The following UBE2E2 variants were observed in gnomAD, a reference collection of about 807,000 sequenced individuals.
The protein encoded by UBE2E2 is ubiquitin conjugating enzyme E2 E2, also known as ubiquitin-conjugating enzyme E2 E2.
Under a neutral mutation model 24.7 loss-of-function variants are expected in UBE2E2, and 6 were observed. The ratio of observed to expected loss-of-function variants is 0.24; its 90% CI spans 0.13 to 0.48. UBE2E2 has a LOEUF of 0.48. UBE2E2 is among the 20% of genes least tolerant of loss of function. UBE2E2 has a pLI of 0.99. For synonymous variants in UBE2E2, 104 were observed against 83.6 expected (o/e 1.24, Z -1.33); for missense variants, 169 against 245.0 (o/e 0.69, Z 2.07).
intron 5 of UBE2E2, among the ~76,000 whole-genome samples, chr3:23,547,732 C>T (rs553689622): frequency 1.7e-3 from 252 of 152,320 alleles, no homozygotes; most frequent in Middle Eastern, 3.4e-3. Flanking sequence ...GCTGATACTT[C>T]TCTTCCTAAA....
chr3:23,492,719 TC>T (rs1301947585), intron 3 of UBE2E2, among the ~76,000 whole-genome samples: 1 of 152,196 alleles, frequency 6.6e-6, no homozygotes, highest in African/African-American at 2.4e-5. Flanking sequence ...TTATGTTTTT[TC>T]AGCATTTGAT....
At chr3:23,390,780 C>A (rs1448099490) in intron 3 of UBE2E2, among the ~76,000 whole-genome samples, 3 of 152,206 alleles carry the variant, frequency 2.0e-5, no homozygotes, top group Non-Finnish European at 4.4e-5. Context: ...GCGAGCCATA[C>A]CCCTGTTGCA....
chr3:23,574,435 G>T (rs1265586553), intron 5 of UBE2E2, among the ~76,000 whole-genome samples: 1 of 152,134 alleles, frequency 6.6e-6, no homozygotes, highest in Non-Finnish European at 1.5e-5. Context: ...TACTCCATTT[G>T]CCATGATGTG....
At chr3:23,326,148 T>G (rs756225895) in intron 3 of UBE2E2, among the ~76,000 whole-genome samples, 6 of 152,212 alleles carry the variant, frequency 3.9e-5, no homozygotes, top group Non-Finnish European at 8.8e-5. Flanking sequence ...CTTGGCTCAC[T>G]GCAACCTCCA....
At chr3:23,478,356 C>G (rs1699183201) in intron 3 of UBE2E2, among the ~76,000 whole-genome samples, 1 of 152,072 alleles carries the variant, frequency 6.6e-6, no homozygotes, top group Non-Finnish European at 1.5e-5. Context: ...TACAAAGTGG[C>G]TAACTCTGAG....
intron 3 of UBE2E2, among the ~76,000 whole-genome samples, chr3:23,336,819 C>T (rs1461919866): frequency 1.3e-5 from 2 of 152,032 alleles, no homozygotes; most frequent in Non-Finnish European, 2.9e-5. Context: ...TCAGTTTTAA[C>T]AGTGTTTCTC....
chr3:23,360,187 G>A (rs985023337), intron 3 of UBE2E2, among the ~76,000 whole-genome samples: 1 of 152,100 alleles, frequency 6.6e-6, no homozygotes, highest in African/African-American at 2.4e-5. Flanking sequence ...AGAGTGACAC[G>A]ATGTTCCAAA....
chr3:23,570,548 T>G (rs1013061450), intron 5 of UBE2E2, among the ~76,000 whole-genome samples: 8 of 152,196 alleles, frequency 5.3e-5, no homozygotes, highest in Admixed American at 5.2e-4. Flanking sequence ...CAATGTATAA[T>G]AAATAATTTA....
intron 3 of UBE2E2, among the ~76,000 whole-genome samples, chr3:23,493,883 C>G (rs147259432): frequency 6.4e-4 from 98 of 152,242 alleles, no homozygotes; most frequent in African/African-American, 2.3e-3. Flanking sequence ...CAGCGTGTAA[C>G]AGCAAGCACA....
intron 4 of UBE2E2, among the ~76,000 whole-genome samples, chr3:23,522,128 A>ATTTTTT: frequency 8.0e-6 from 1 of 124,278 alleles, no homozygotes; most frequent in Non-Finnish European, 1.6e-5. Context: ...TAACCAGCTA[A>ATTTTTT]TTTTTTTTTT....
chr3:23,466,604 A>G (rs147625239), intron 3 of UBE2E2, among the ~76,000 whole-genome samples: 20 of 152,074 alleles, frequency 1.3e-4, no homozygotes, highest in East Asian at 9.7e-4. Context: ...GTCTCACTCT[A>G]TCGCCCAGGC....
chr3:23,566,115 A>G (rs914293828), intron 5 of UBE2E2, among the ~76,000 whole-genome samples: 1 of 152,192 alleles, frequency 6.6e-6, no homozygotes, highest in African/African-American at 2.4e-5. Flanking sequence ...CCCTCTGTCA[A>G]ATTAACATGT....
chr3:23,549,055 C>G (rs181708258), intron 5 of UBE2E2, among the ~76,000 whole-genome samples: 7 of 152,342 alleles, frequency 4.6e-5, no homozygotes, highest in Middle Eastern at 6.8e-3. Flanking sequence ...TAAATGGCCT[C>G]TTTCCCCAGC....
At chr3:23,383,531 T>C (rs1008955910) in intron 3 of UBE2E2, among the ~76,000 whole-genome samples, 3 of 152,148 alleles carry the variant, frequency 2.0e-5, no homozygotes, top group African/African-American at 7.2e-5. Context: ...CCTTTTTCAA[T>C]GCAGATGTAT....
intron 3 of UBE2E2, among the ~76,000 whole-genome samples, chr3:23,265,685 G>A (rs1472131999): frequency 6.6e-6 from 1 of 152,128 alleles, no homozygotes. Flanking sequence ...TAGGAAGCTT[G>A]TTTTAGGTGG....
At chr3:23,441,060 C>G (rs931792723) in intron 3 of UBE2E2, among the ~76,000 whole-genome samples, 6 of 152,128 alleles carry the variant, frequency 3.9e-5, no homozygotes, top group African/African-American at 1.4e-4. Context: ...ATACTGAGCT[C>G]CAGTACAAAA....
chr3:23,555,537 C>T (rs1250013709), intron 5 of UBE2E2, among the ~76,000 whole-genome samples: 2 of 152,100 alleles, frequency 1.3e-5, no homozygotes, highest in African/African-American at 4.8e-5. Context: ...AATGAAATAC[C>T]ACCTCATATA....
rs1695805429 is a variant in UBE2E2 at position 23,556,978 on chromosome 3, T to G, written c.508+24277T>G. On this transcript the variant is annotated intron_variant, in intron 5 of 5. Transcript: ENST00000396703. Reference sequence around the variant, plus strand: ...CCATAGGCTAATTGATCTAAACAATTGCCAAGTCCCTTCGGCACATTTCTC... The same window carrying G: ...CCATAGGCTAATTGATCTAAACAATGGCCAAGTCCCTTCGGCACATTTCTC... Among the ~76,000 whole-genome samples, 3 of 152,200 alleles carry G rather than the reference T, an allele frequency of 2.0e-5. No homozygotes were observed. The South Asian group carries it at 6.2e-4, about 32-fold the overall frequency.
intron 3 of UBE2E2, among the ~76,000 whole-genome samples, chr3:23,228,100 A>G (rs17012844): frequency 0.029 from 4,371 of 152,304 alleles, 108 homozygotes; most frequent in East Asian, 0.13. Context: ...TAAAATCACC[A>G]TGAGAAAAAT....
Sources: gnomAD v4.1 joint callset for allele counts (sites outside exome capture counted in the v4.1 genomes callset) on GRCh38, gnomAD v4.1.1 for gene constraint, MANE v1.5 for transcripts, NCBI Gene and HGNC (gene_info 2026-07-23, HGNC 2026-07-21) for gene names.